The following ITPR1 variants were observed in gnomAD, a reference collection of about 807,000 sequenced individuals.
The protein encoded by ITPR1 is inositol 1,4,5-trisphosphate receptor type 1.
Under a neutral mutation model 318.4 loss-of-function variants are expected in ITPR1, and 96 were observed. The ratio of observed to expected loss-of-function variants is 0.30; its 90% CI spans 0.26 to 0.36. The LOEUF is 0.36. Ranked by LOEUF, ITPR1 falls within the 10% of genes least tolerant of loss-of-function variation. The probability of loss-of-function intolerance (pLI) is 1.00; values close to 1 mark genes in which losing one functional copy is unlikely to be tolerated. For synonymous variants in ITPR1, 1,312 were observed against 1,289.9 expected (o/e 1.02, Z -0.37); for missense variants, 2,440 against 3,460.2 (o/e 0.71, Z 7.40).
intron 4 of ITPR1, among the ~76,000 whole-genome samples, chr3:4,572,906 G>T (rs1408493416): frequency 1.3e-5 from 2 of 152,296 alleles, no homozygotes; most frequent in South Asian, 2.1e-4. Flanking sequence ...CAGTGTTGTA[G>T]CATGTAACAT....
chr3:4,684,599 G>A (rs1358999105), intron 29 of ITPR1, among the ~76,000 whole-genome samples: 5 of 152,134 alleles, frequency 3.3e-5, no homozygotes, highest in South Asian at 4.2e-4. Context: ...CGTAGGCACC[G>A]CATATTTCTG....
intron 44 of ITPR1, among the ~76,000 whole-genome samples, chr3:4,742,493 G>C (rs1173126264): frequency 6.6e-6 from 1 of 152,216 alleles, no homozygotes; most frequent in Admixed American, 6.5e-5. Flanking sequence ...TCCTGACTTG[G>C]AGAATAGGAT....
intron 4 of ITPR1, among the ~76,000 whole-genome samples, chr3:4,603,178 AT>A (rs1233335847): frequency 6.9e-6 from 1 of 143,972 alleles, no homozygotes; most frequent in Non-Finnish European, 1.5e-5. Context: ...GATGACAGGC[AT>A]TTTTTATTTT....
chr3:4,606,278 A>C (rs928339186), intron 4 of ITPR1, among the ~76,000 whole-genome samples: 1 of 152,092 alleles, frequency 6.6e-6, no homozygotes, highest in Non-Finnish European at 1.5e-5. Flanking sequence ...GAGGACAAAA[A>C]AGTCTTCCTT....
chr3:4,580,405 C>A (rs1019195446), intron 4 of ITPR1, among the ~76,000 whole-genome samples: 1 of 152,116 alleles, frequency 6.6e-6, no homozygotes, highest in African/African-American at 2.4e-5. Context: ...CCCACATTAC[C>A]CTCTCAAAGT....
At position 4,733,212 on chromosome 3, in the gene ITPR1, G is replaced by C. The variant is rs1202441335; in HGVS notation, c.5345G>C (p.Gly1782Ala). 6.2e-7 allele frequency: 1 copy of C among 1,613,866 alleles called. No homozygotes were observed. The highest frequency in any genetic ancestry group is 8.5e-7 in the Non-Finnish European group (1 of 1,179,876). ...TCAGCAGGAGGACCCGGCAAGCCCG[G>C]GGGAGGAGGTACGCTTTGTGGTGTA... ...PLSAGGPGKPGGGGGGSGSSS... is the reference protein window; with the variant it reads ...PLSAGGPGKPAGGGGGSGSSS... Residue 1782 changes from glycine (G) to alanine (A), a missense_variant, in exon 43 of 62, where the codon GGG (glycine) becomes GCG (alanine). This residue lies in a region of ITPR1 where 166 missense variants were observed against 143.7 expected (regional missense o/e 1.16). Transcript: ENST00000649015.
At position 4,777,251 on chromosome 3, in the gene ITPR1, T is replaced by G; in HGVS notation, c.6181-13T>G. On this transcript the variant is annotated splice_polypyrimidine_tract_variant and intron_variant, in intron 47 of 61. Coordinates refer to ENST00000649015, the MANE Select transcript of ITPR1 (RefSeq NM_001378452.1). ...CAGCGTTTGTGTGAATGTCTGTGTG[T>G]GTCTTTGCTCAGAACTGCATAGCCA... 1 of 1,518,836 alleles carries G rather than the reference T, an allele frequency of 6.6e-7. No individual in the cohort carries two copies. Among genetic ancestry groups the G allele is most frequent in the Non-Finnish European group, 9.1e-7 (1 of 1,104,172 alleles). 94.1% of individuals were successfully genotyped at this position (1,518,836 alleles called of 1,614,324 possible). A position where few individuals can be genotyped will look rare whatever the true frequency, so the allele number is the denominator to read the frequency against.
intron 4 of ITPR1, among the ~76,000 whole-genome samples, chr3:4,593,453 T>A (rs2090548837): frequency 6.6e-6 from 1 of 152,214 alleles, no homozygotes; most frequent in Non-Finnish European, 1.5e-5. Flanking sequence ...ATTTTATAGT[T>A]TCTCTAAGAG....
chr3:4,835,896 G>A (rs1470730269), intron 60 of ITPR1, among the ~76,000 whole-genome samples: 2 of 152,000 alleles, frequency 1.3e-5, no homozygotes, highest in African/African-American at 2.4e-5. Context: ...ATGGACGGGG[G>A]AGGAAACTGA....
At chr3:4,745,372 T>C (rs2044028852) in intron 44 of ITPR1, among the ~76,000 whole-genome samples, 1 of 152,136 alleles carries the variant, frequency 6.6e-6, no homozygotes, top group African/African-American at 2.4e-5. Context: ...CCTTAGGAAA[T>C]TGTATATGTA....
intron 10 of ITPR1, among the ~76,000 whole-genome samples, chr3:4,649,004 A>T (rs2093531016): frequency 6.6e-6 from 1 of 152,208 alleles, no homozygotes; most frequent in African/African-American, 2.4e-5. Context: ...TTGAAGATTG[A>T]TGCCCCATGG....
intron 36 of ITPR1, among the ~76,000 whole-genome samples, chr3:4,703,607 C>G (rs2094699324): frequency 6.6e-6 from 1 of 152,112 alleles, no homozygotes; most frequent in South Asian, 2.1e-4. Context: ...CTGGAGTGGC[C>G]TCTTAGATCC....
intron 61 of ITPR1, among the ~76,000 whole-genome samples, chr3:4,840,939 C>A (rs1441032868): frequency 6.6e-6 from 1 of 152,186 alleles, no homozygotes; most frequent in East Asian, 1.9e-4. Flanking sequence ...GCTAGGAATA[C>A]AAGAAGTGCT....
At chr3:4,528,108 T>C (rs1006074095) in intron 4 of ITPR1, among the ~76,000 whole-genome samples, 1 of 152,166 alleles carries the variant, frequency 6.6e-6, no homozygotes, top group African/African-American at 2.4e-5. Flanking sequence ...ATGCCAGAGC[T>C]AGCATCCAGC....
intron 60 of ITPR1, among the ~76,000 whole-genome samples, chr3:4,825,526 A>G (rs1178683757): frequency 2.6e-5 from 4 of 152,212 alleles, no homozygotes; most frequent in Non-Finnish European, 1.5e-5. Flanking sequence ...AATAAGTTCT[A>G]TTAGCTAATT....
rs2048935908 is a variant in ITPR1, at chr3:4,811,479, G to T, written c.7468+19G>T. 4.4e-6 allele frequency: 7 copies of T among 1,580,394 alleles called. No homozygotes were observed. Among genetic ancestry groups the T allele is most frequent in the South Asian group, 1.1e-5 (1 of 89,256 alleles). On this transcript the variant is annotated intron_variant, in intron 56 of 61. Transcript: ENST00000649015. ...GTTCCAGGTGGGTTTGGGATCTTCT[G>T]ATCTTTTTAATGCTAAAAGATTATT...
intron 4 of ITPR1, among the ~76,000 whole-genome samples, chr3:4,532,441 C>T (rs304056): frequency 0.6 from 90,839 of 151,808 alleles, 30,068 homozygotes; most frequent in Admixed American, 0.78. Context: ...CAAGGCCCAC[C>T]GCAGCCTTGA....
chr3:4,567,348 T>C (rs1167225224), intron 4 of ITPR1, among the ~76,000 whole-genome samples: 1 of 152,142 alleles, frequency 6.6e-6, no homozygotes, highest in African/African-American at 2.4e-5. Flanking sequence ...CTTGTTGAAT[T>C]TGTGTAATGT....
rs887372606 is a variant in ITPR1, at chr3:4,707,050, A to G, written c.4842+699A>G. Among the ~76,000 whole-genome samples, 3 of 152,176 alleles carry G rather than the reference A, an allele frequency of 2.0e-5. No individual in the cohort carries two copies. The South Asian group carries it at 6.2e-4, about 32-fold the overall frequency. ...AGGCCAGTGCCTGGGTTAAATTTAA[A>G]TCCTGGCTCTGCCGCTTAGAAATGG... On this transcript the variant is annotated intron_variant, in intron 37 of 61. Transcript: ENST00000649015.
Sources: gnomAD v4.1 joint callset for allele counts (sites outside exome capture counted in the v4.1 genomes callset) on GRCh38, gnomAD v4.1.1 for gene constraint, gnomAD v4.1.1 regional missense constraint, MANE v1.5 for transcripts, NCBI Gene and HGNC (gene_info 2026-07-23, HGNC 2026-07-21) for gene names.